Variants in PPFIA2 observed in about 807,000 individuals in gnomAD.
PPFIA2 encodes PPFI scaffold protein A2.
A neutral mutation model predicts 175.5 loss-of-function variants in PPFIA2; 46 were observed. That is an observed-to-expected ratio of 0.26 (90% CI 0.21 to 0.34). PPFIA2 has a LOEUF of 0.34. PPFIA2 is among the 10% of genes least tolerant of loss of function. PPFIA2 has a pLI of 1.00. For missense variants in PPFIA2, 1,179 were observed against 1,506.1 expected (o/e 0.78, Z 3.60); for synonymous variants, 568 against 511.4 (o/e 1.11, Z -1.49).
rs573558437 is a variant in PPFIA2 at position 81,684,330 on chromosome 12, A to G, written c.250-7486T>C. Among the ~76,000 whole-genome samples the G allele has an allele frequency of 9.9e-5, 15 of 152,224 alleles. No homozygotes were observed. In the East Asian group the frequency reaches 1.9e-3, roughly 20 times the overall value. ...ACAGGGTCCAGAGAAATGGTGGTAC[A>G]TGGGGACTAGCAACAGCTAGACATT... is the stretch of plus-strand genomic sequence containing the variant. On this transcript the variant is annotated intron_variant, in intron 3 of 32. Transcript: ENST00000549396.
intron 22 of PPFIA2, among the ~76,000 whole-genome samples, chr12:81,309,225 G>T (rs1019779234): frequency 2.0e-5 from 3 of 152,044 alleles, no homozygotes; most frequent in African/African-American, 4.8e-5. Flanking sequence ...TATTATTCAG[G>T]AATCCATACT....
chr12:81,363,601 G>C (rs1009881790), intron 14 of PPFIA2, among the ~76,000 whole-genome samples: 1 of 151,668 alleles, frequency 6.6e-6, no homozygotes, highest in African/African-American at 2.4e-5. Flanking sequence ...CCAGTGGCCA[G>C]TGCTTGATAT....
intron 4 of PPFIA2, among the ~76,000 whole-genome samples, chr12:81,579,953 C>T (rs1002300648): frequency 2.0e-5 from 3 of 151,660 alleles, no homozygotes; most frequent in Non-Finnish European, 4.4e-5. Flanking sequence ...TTCTGAAGTT[C>T]GAGAATCACT....
At chr12:81,421,106 C>T (rs998584928) in intron 7 of PPFIA2, among the ~76,000 whole-genome samples, 3 of 151,822 alleles carry the variant, frequency 2.0e-5, no homozygotes. Context: ...AAAGTCTTTC[C>T]AATACAAATG....
chr12:81,634,096 T>G (rs2063714996), intron 4 of PPFIA2, among the ~76,000 whole-genome samples: 1 of 152,134 alleles, frequency 6.6e-6, no homozygotes, highest in Non-Finnish European at 1.5e-5. Context: ...TCACCCAATA[T>G]AGATCCAAAT....
chr12:81,690,632 C>G (rs955374653), intron 3 of PPFIA2, among the ~76,000 whole-genome samples: 2 of 152,098 alleles, frequency 1.3e-5, no homozygotes, highest in Admixed American at 1.3e-4. Context: ...GGGTAAACTA[C>G]TAAATTCCAT....
At chr12:81,557,536 C>G (rs2069119121) in intron 4 of PPFIA2, among the ~76,000 whole-genome samples, 1 of 151,982 alleles carries the variant, frequency 6.6e-6, no homozygotes, top group African/African-American at 2.4e-5. Context: ...TCAACCCTAG[C>G]AAGCTATTTA....
chr12:81,296,649 G>A (rs972534946), intron 23 of PPFIA2: 1 of 152,092 alleles, frequency 6.6e-6, no homozygotes, highest in Admixed American at 6.5e-5. Context: ...ACAAAGGAGA[G>A]AATTGTGAGA....
rs1306101474 is a variant in PPFIA2, at chr12:81,401,938, GTATTTTTTCTTTT to G, written c.762+3836_762+3848del. Among the ~76,000 whole-genome samples, 7 of 152,206 alleles carry G rather than the reference GTATTTTTTCTTTT, an allele frequency of 4.6e-5. No homozygotes were observed. In the East Asian group the frequency reaches 7.7e-4, roughly 17 times the overall value. ...ATATTTAAATTCGTTTCAGTTAAGT[GTATTTTTTCTTTT>G]TATTTTTTCTTTTAAAAAGGCTGAT... On this transcript the variant is annotated intron_variant, in intron 8 of 32. Coordinates refer to ENST00000549396, the MANE Select transcript of PPFIA2 (RefSeq NM_003625.5).
chr12:81,368,256 C>T (rs1258375176), intron 13 of PPFIA2: 1 of 868,350 alleles, frequency 1.2e-6, no homozygotes, highest in African/African-American at 1.7e-5. Flanking sequence ...ATACTGGGTT[C>T]CTAAACCCTC....
At chr12:81,276,890 A>G (rs1009193088) in intron 28 of PPFIA2, among the ~76,000 whole-genome samples, 1 of 152,078 alleles carries the variant, frequency 6.6e-6, no homozygotes, top group Non-Finnish European at 1.5e-5. Context: ...ATACAGTGTT[A>G]CAAAAATAAA....
rs1296218116 is a variant in PPFIA2 at position 81,284,372 on chromosome 12, GCACCT to G, written c.2926-74_2926-70del. ...CAAGCAGTGGTAAAGAAGAAAGGCA[GCACCT>G]CTGTGAGTTAACAGCAACACAGCAA... On this transcript the variant is annotated intron_variant, in intron 24 of 32. Transcript: ENST00000549396. The G allele has an allele frequency of 7.8e-6, 9 of 1,153,350 alleles. No homozygotes were observed. The African/African-American group carries it at 1.4e-4, about 18-fold the overall frequency. The allele number at this position is 1,153,350 out of a possible 1,614,324, so 71.4% of individuals were successfully genotyped here.
At chr12:81,662,216 A>C (rs1394700448) in intron 4 of PPFIA2, among the ~76,000 whole-genome samples, 1 of 152,198 alleles carries the variant, frequency 6.6e-6, no homozygotes, top group African/African-American at 2.4e-5. Context: ...GAACTGAAGG[A>C]GATAGAGACA....
intron 4 of PPFIA2, among the ~76,000 whole-genome samples, chr12:81,647,656 G>C (rs1160863382): frequency 6.6e-6 from 1 of 150,920 alleles, no homozygotes; most frequent in African/African-American, 2.4e-5. Context: ...AGCTACTCAG[G>C]AGGCTGAGGC....
At chr12:81,314,465 A>T (rs2051819697) in intron 22 of PPFIA2, among the ~76,000 whole-genome samples, 1 of 151,972 alleles carries the variant, frequency 6.6e-6, no homozygotes, top group African/African-American at 2.4e-5. Flanking sequence ...ATTAACATAA[A>T]AAAATAGGTT....
chr12:81,598,184 G>T (rs2059447498), intron 4 of PPFIA2: 1 of 1,376,672 alleles, frequency 7.3e-7, no homozygotes, highest in Non-Finnish European at 9.4e-7. Context: ...ATAGCATTTT[G>T]AATTGTTCTT....
intron 4 of PPFIA2, among the ~76,000 whole-genome samples, chr12:81,463,465 T>C (rs2055027273): frequency 1.3e-5 from 2 of 152,138 alleles, no homozygotes; most frequent in South Asian, 4.1e-4. Context: ...GCAAATACTT[T>C]CTTTTTCCAA....
chr12:81,749,740 T>G (rs2083506086), intron 3 of PPFIA2, among the ~76,000 whole-genome samples: 1 of 144,300 alleles, frequency 6.9e-6, no homozygotes, highest in African/African-American at 2.4e-5. Context: ...CTCATATTCT[T>G]TAATCATCAC....
intron 3 of PPFIA2, among the ~76,000 whole-genome samples, chr12:81,739,993 G>C (rs1372700599): frequency 6.6e-6 from 1 of 152,102 alleles, no homozygotes; most frequent in Admixed American, 6.6e-5. Flanking sequence ...AGGGAAAGCA[G>C]AGCTGGGAGC....
Sources: allele counts gnomAD v4.1 joint callset (sites outside exome capture counted in the v4.1 genomes callset), GRCh38; gene constraint gnomAD v4.1.1; transcripts MANE v1.5; gene names NCBI Gene and HGNC (gene_info 2026-07-23, HGNC 2026-07-21).